Variants in SHROOM3 observed in about 807,000 individuals in gnomAD.
SHROOM3 encodes shroom family member 3.
SHROOM3 carries 47 observed loss-of-function variants against 138.6 expected under a neutral mutation model. The ratio of observed to expected loss-of-function variants is 0.34; its 90% confidence interval spans 0.27 to 0.43. The LOEUF (loss-of-function observed/expected upper bound fraction) is 0.43, where lower values mean the gene tolerates loss of function less well. Ranked by LOEUF, SHROOM3 falls within the 20% of genes least tolerant of loss-of-function variation. The probability of loss-of-function intolerance (pLI) is 1.00; values close to 1 mark genes in which losing one functional copy is unlikely to be tolerated. For missense variants in SHROOM3, 2,491 were observed against 2,596.5 expected, an observed-to-expected ratio of 0.96 and a Z score of 0.88; for synonymous variants, 1,062 against 1,063.3, an observed-to-expected ratio of 1.00 and a Z score of 0.02.
At chr4:76,637,321 C>T (rs1390651435) in intron 2 of SHROOM3, among the ~76,000 whole-genome samples, 2 of 152,186 alleles carry the variant, frequency 1.3e-5, no homozygotes, top group Non-Finnish European at 2.9e-5. Flanking sequence ...TAGGCACAGG[C>T]TCTCTGTTTC....
At chr4:76,751,541 A>G (rs1721623329) in intron 6 of SHROOM3, among the ~76,000 whole-genome samples, 1 of 151,992 alleles carries the variant, frequency 6.6e-6, no homozygotes, top group Non-Finnish European at 1.5e-5. Context: ...AACATTCTCC[A>G]CTCTTTTTAT....
chr4:76,465,768 CACTG>C (rs1305850288), intron 1 of SHROOM3, among the ~76,000 whole-genome samples: 2 of 152,180 alleles, frequency 1.3e-5, no homozygotes, highest in Non-Finnish European at 2.9e-5. Context: ...GCCTGACGCT[CACTG>C]ACTATTAGAT....
chr4:76,613,264 G>A (rs1734801275), intron 2 of SHROOM3, among the ~76,000 whole-genome samples: 1 of 152,082 alleles, frequency 6.6e-6, no homozygotes, highest in Admixed American at 6.6e-5. Context: ...TCCCACTACT[G>A]GACAAGTCAG....
At chr4:76,628,943 C>G (rs779067164) in intron 2 of SHROOM3, 1 of 151,984 alleles carries the variant, frequency 6.6e-6, no homozygotes, top group Admixed American at 6.6e-5. Flanking sequence ...TGGGCTCAAG[C>G]GATTCTCCCG....
At chr4:76,536,630 T>A (rs965681694) in intron 1 of SHROOM3, among the ~76,000 whole-genome samples, 1 of 152,142 alleles carries the variant, frequency 6.6e-6, no homozygotes, top group Non-Finnish European at 1.5e-5. Flanking sequence ...ATAATCATCA[T>A]CCCAAAGGTT....
chr4:76,654,804 G>A (rs1736032667), intron 2 of SHROOM3, among the ~76,000 whole-genome samples: 2 of 152,174 alleles, frequency 1.3e-5, no homozygotes, highest in African/African-American at 4.8e-5. Flanking sequence ...TATAGTGATG[G>A]TAATTATTGT....
At chr4:76,633,348 AAAAAAG>A (rs1482342254) in intron 2 of SHROOM3, among the ~76,000 whole-genome samples, 6 of 149,118 alleles carry the variant, frequency 4.0e-5, no homozygotes, top group African/African-American at 4.9e-5. Flanking sequence ...AAAAAAAAAA[AAAAAAG>A]AAAAAGAAAA....
At chr4:76,732,926 T>G (rs1177818266) in intron 4 of SHROOM3, among the ~76,000 whole-genome samples, 3 of 152,186 alleles carry the variant, frequency 2.0e-5, no homozygotes, top group East Asian at 1.9e-4. Context: ...TAGTAAGCAC[T>G]CAATGAATGA....
intron 2 of SHROOM3, among the ~76,000 whole-genome samples, chr4:76,557,556 C>T (rs944542631): frequency 1.3e-5 from 2 of 152,020 alleles, no homozygotes; most frequent in South Asian, 2.1e-4. Flanking sequence ...ATGGTGACTA[C>T]AGTTAGTAAT....
At chr4:76,555,486 G>A in intron 1 of SHROOM3, 123 bp from the exon 2 acceptor site, 1 of 1,401,274 alleles carries the variant, frequency 7.1e-7, no homozygotes, top group Non-Finnish European at 9.9e-7. Flanking sequence ...TGCAAGCGCT[G>A]GGGTGTGGCC....
At chr4:76,586,994 A>G (rs1034253364) in intron 2 of SHROOM3, 1 of 152,202 alleles carries the variant, frequency 6.6e-6, no homozygotes, top group Admixed American at 6.5e-5. Flanking sequence ...CAACAGCAAA[A>G]TTGGATTGTA....
chr4:76,719,990 C>A (rs1468360848), intron 3 of SHROOM3, among the ~76,000 whole-genome samples: 2 of 152,156 alleles, frequency 1.3e-5, no homozygotes, highest in Admixed American at 1.3e-4. Flanking sequence ...GACATATTAT[C>A]AGGATGTGAC....
At chr4:76,489,459 A>G (rs1371060365) in intron 1 of SHROOM3, among the ~76,000 whole-genome samples, 1 of 152,208 alleles carries the variant, frequency 6.6e-6, no homozygotes, top group African/African-American at 2.4e-5. Flanking sequence ...TACAGATGCA[A>G]TCTTAACTAT....
intron 2 of SHROOM3, among the ~76,000 whole-genome samples, chr4:76,644,935 TACTTATGTAGC>T (rs1735780106): frequency 6.6e-6 from 1 of 152,216 alleles, no homozygotes; most frequent in African/African-American, 2.4e-5. Context: ...ACTTATGTAG[TACTTATGTAGC>T]ACTTATGAGC....
intron 3 of SHROOM3, among the ~76,000 whole-genome samples, chr4:76,720,613 CTTTTT>C (rs35881578): frequency 1.5e-5 from 2 of 135,710 alleles, no homozygotes; most frequent in Non-Finnish European, 1.6e-5. Context: ...TGAATTCTTT[CTTTTT>C]TTTTTTTTTT....
At chr4:76,505,492 G>A (rs1732190426) in intron 1 of SHROOM3, among the ~76,000 whole-genome samples, 1 of 151,832 alleles carries the variant, frequency 6.6e-6, no homozygotes, top group Non-Finnish European at 1.5e-5. Context: ...CATACAATTG[G>A]CCCTCTGTAT....
At chr4:76,561,926 G>T (rs767169828) in intron 2 of SHROOM3, among the ~76,000 whole-genome samples, 1 of 151,976 alleles carries the variant, frequency 6.6e-6, no homozygotes, top group South Asian at 2.1e-4. Context: ...CAGAAGAATC[G>T]CTTGAACCTG....
chr4:76,503,384 G>A (rs572879737), intron 1 of SHROOM3, among the ~76,000 whole-genome samples: 1 of 152,144 alleles, frequency 6.6e-6, no homozygotes, highest in South Asian at 2.1e-4. Flanking sequence ...ATTTGCTATA[G>A]TAAATAGTAT....
chr4:76,680,574 C>T (rs1211313050), intron 2 of SHROOM3, among the ~76,000 whole-genome samples: 3 of 152,216 alleles, frequency 2.0e-5, no homozygotes, highest in African/African-American at 7.2e-5. Context: ...CACTCACCCC[C>T]ATACATGTTA....
Sources: allele counts gnomAD v4.1 joint callset (sites outside exome capture counted in the v4.1 genomes callset), GRCh38; gene constraint gnomAD v4.1.1; transcripts MANE v1.5; gene names NCBI Gene and HGNC (gene_info 2026-07-23, HGNC 2026-07-21).